The following PCDH9 variants were observed in gnomAD, a reference collection of about 807,000 sequenced individuals.
PCDH9 encodes protocadherin-9.
In PCDH9, 24 loss-of-function variants were observed where a neutral mutation model predicts 70.6. The ratio of observed to expected loss-of-function variants is 0.34; its 90% CI spans 0.25 to 0.48. The LOEUF (loss-of-function observed/expected upper bound fraction) is 0.48, where lower values mean the gene tolerates loss of function less well. PCDH9 is among the 20% of genes least tolerant of loss of function. The pLI is 0.99. For synonymous variants in PCDH9, 562 were observed against 558.5 expected, an observed-to-expected ratio of 1.01 and a Z score of -0.09; for missense variants, 1,281 against 1,503.6, an observed-to-expected ratio of 0.85 and a Z score of 2.45.
chr13:66,968,188 T>C (rs2083461261), intron 2 of PCDH9, among the ~76,000 whole-genome samples: 1 of 152,098 alleles, frequency 6.6e-6, no homozygotes, highest in South Asian at 2.1e-4. Flanking sequence ...CAGGTGACTA[T>C]AACACTTTCC....
At chr13:67,142,258 T>C (rs2087411839) in intron 2 of PCDH9, among the ~76,000 whole-genome samples, 1 of 152,188 alleles carries the variant, frequency 6.6e-6, no homozygotes, top group Non-Finnish European at 1.5e-5. Flanking sequence ...TAATAGACTT[T>C]TATCTGGCTT....
intron 2 of PCDH9, among the ~76,000 whole-genome samples, chr13:66,909,867 C>T (rs912555642): frequency 2.9e-4 from 44 of 152,228 alleles, no homozygotes; most frequent in Non-Finnish European, 5.1e-4. Context: ...TGTTCAACTT[C>T]GGGACCCTGA....
intron 2 of PCDH9, among the ~76,000 whole-genome samples, chr13:66,957,699 C>T (rs894171567): frequency 2.6e-5 from 4 of 152,192 alleles, no homozygotes; most frequent in South Asian, 2.1e-4. Flanking sequence ...CTCTCACTCA[C>T]TCTCTTTCTC....
chr13:66,737,545 C>A (rs775402932), intron 3 of PCDH9, among the ~76,000 whole-genome samples: 21 of 151,964 alleles, frequency 1.4e-4, no homozygotes, highest in Admixed American at 1.4e-3. Flanking sequence ...GCGTGAGCGA[C>A]GCAGAAGACG....
chr13:66,704,766 A>G (rs890919820), intron 3 of PCDH9, among the ~76,000 whole-genome samples: 1 of 152,110 alleles, frequency 6.6e-6, no homozygotes, highest in African/African-American at 2.4e-5. Context: ...TAGAGAAACA[A>G]TTCTCTAGAT....
intron 2 of PCDH9, among the ~76,000 whole-genome samples, chr13:66,923,172 G>A (rs912709004): frequency 4.6e-5 from 7 of 151,288 alleles, no homozygotes; most frequent in African/African-American, 1.7e-4. Flanking sequence ...AGGGGAAACT[G>A]GATAATTAAT....
In PCDH9 at chr13:66,779,874, TGTGTG is replaced by T. The variant is rs1566189534; in HGVS notation, c.3138+123625_3138+123629del. Reference sequence around the variant, plus strand: ...CTATATATATATATATATACATATATGTGTGTGTGTGTGTGTGTGTGTGTGTGTCC... The same window carrying T: ...CTATATATATATATATATACATATATTGTGTGTGTGTGTGTGTGTGTGTCC... On this transcript the variant is annotated intron_variant, in intron 3 of 4. Coordinates refer to ENST00000377865, the MANE Select transcript of PCDH9 (RefSeq NM_203487.3). Among the ~76,000 whole-genome samples, 14 of 2,062 alleles carry T rather than the reference TGTGTG, an allele frequency of 6.8e-3. No homozygotes were observed. In the Non-Finnish European group the frequency reaches 0.12, roughly 18 times the overall value. 1.4% of individuals were successfully genotyped at this position (2,062 alleles called of 152,430 possible). A position where few individuals can be genotyped will look rare whatever the true frequency, so the allele number is the denominator to read the frequency against.
chr13:67,056,711 A>G (rs1283620079), intron 2 of PCDH9, among the ~76,000 whole-genome samples: 4 of 152,112 alleles, frequency 2.6e-5, no homozygotes, highest in Admixed American at 2.6e-4. Context: ...CTTGGTTATG[A>G]CGTATTATGA....
intron 4 of PCDH9, among the ~76,000 whole-genome samples, chr13:66,317,844 A>C (rs1955681012): frequency 6.6e-6 from 1 of 151,986 alleles, no homozygotes; most frequent in Admixed American, 6.6e-5. Context: ...CTTTTCACAA[A>C]GTTTAGGGGG....
At chr13:66,534,409 G>T (rs1960600255) in intron 4 of PCDH9, among the ~76,000 whole-genome samples, 1 of 152,070 alleles carries the variant, frequency 6.6e-6, no homozygotes, top group Non-Finnish European at 1.5e-5. Flanking sequence ...TTCTGGTGAG[G>T]GTTCTCTTTT....
chr13:66,536,381 T>TTTTTATGATTTTA (rs1352272264), intron 4 of PCDH9, among the ~76,000 whole-genome samples: 1 of 152,088 alleles, frequency 6.6e-6, no homozygotes, highest in African/African-American at 2.4e-5. Flanking sequence ...GCATAATCAT[T>TTTTTATGATTTTA]TGGTACTATT....
At chr13:66,429,268 T>C (rs1193166216) in intron 4 of PCDH9, among the ~76,000 whole-genome samples, 1 of 151,748 alleles carries the variant, frequency 6.6e-6, no homozygotes, top group Non-Finnish European at 1.5e-5. Context: ...AATAAGAATG[T>C]ACCCAAAAGA....
chr13:67,171,741 C>A (rs1034964176), intron 2 of PCDH9, among the ~76,000 whole-genome samples: 1 of 152,106 alleles, frequency 6.6e-6, no homozygotes, highest in Non-Finnish European at 1.5e-5. Context: ...CTGTTTGAGG[C>A]GATTGAACCT....
At chr13:67,165,250 T>C (rs983446737) in intron 2 of PCDH9, among the ~76,000 whole-genome samples, 1 of 152,184 alleles carries the variant, frequency 6.6e-6, no homozygotes, top group African/African-American at 2.4e-5. Context: ...ACAATGTGTT[T>C]ATACATTAAA....
At chr13:67,034,564 C>T (rs955826643) in intron 2 of PCDH9, among the ~76,000 whole-genome samples, 7 of 152,030 alleles carry the variant, frequency 4.6e-5, no homozygotes, top group African/African-American at 1.2e-4. Context: ...TTACTCACTG[C>T]GCTCTGGGCC....
At chr13:66,387,609 C>T (rs556291668) in intron 4 of PCDH9, among the ~76,000 whole-genome samples, 1 of 151,746 alleles carries the variant, frequency 6.6e-6, no homozygotes, top group African/African-American at 2.4e-5. Context: ...CTTCCTCTTG[C>T]CCTGTGATAC....
At chr13:66,915,374 A>C (rs1338788495) in intron 2 of PCDH9, among the ~76,000 whole-genome samples, 1 of 151,658 alleles carries the variant, frequency 6.6e-6, no homozygotes, top group African/African-American at 2.4e-5. Flanking sequence ...ATAAGGATCT[A>C]ACAAGTCCAA....
intron 2 of PCDH9, among the ~76,000 whole-genome samples, chr13:67,120,523 T>C (rs1027202387): frequency 3.9e-5 from 6 of 152,142 alleles, no homozygotes; most frequent in Non-Finnish European, 8.8e-5. Flanking sequence ...TGCCACCTAA[T>C]TTTACAGATC....
At chr13:67,196,746 TGA>T (rs1230255155) in intron 2 of PCDH9, among the ~76,000 whole-genome samples, 2 of 152,022 alleles carry the variant, frequency 1.3e-5, no homozygotes, top group Non-Finnish European at 2.9e-5. Flanking sequence ...ATTCTTGGAA[TGA>T]GTGTTAGATT....
Sources: allele counts gnomAD v4.1 joint callset (sites outside exome capture counted in the v4.1 genomes callset), GRCh38; gene constraint gnomAD v4.1.1; transcripts MANE v1.5; gene names NCBI Gene and HGNC (gene_info 2026-07-23, HGNC 2026-07-21).